The following THSD7A variants were observed in gnomAD, a reference collection of about 807,000 sequenced individuals.
THSD7A encodes the protein thrombospondin type-1 domain-containing protein 7A.
Under a neutral mutation model 231.3 loss-of-function variants are expected in THSD7A, and 96 were observed. The observed-to-expected ratio is 0.41, with a 90% CI of 0.35 to 0.49. The LOEUF is 0.49. THSD7A is among the 20% of genes least tolerant of loss of function. The probability of loss-of-function intolerance (pLI) is 0.05; values close to 1 mark genes in which losing one functional copy is unlikely to be tolerated. For synonymous variants in THSD7A, 940 were observed against 743.3 expected, an observed-to-expected ratio of 1.26 and a Z score of -4.30; for missense variants, 2,290 against 2,070.2, an observed-to-expected ratio of 1.11 and a Z score of -2.06.
chr7:11,383,116 C>G (rs1021538167), intron 23 of THSD7A, among the ~76,000 whole-genome samples: 1 of 151,764 alleles, frequency 6.6e-6, no homozygotes, highest in African/African-American at 2.4e-5. Context: ...CTTTGCCATG[C>G]TTTTAATTTT....
chr7:11,519,403 C>T (rs1368698048), intron 6 of THSD7A, among the ~76,000 whole-genome samples: 1 of 148,340 alleles, frequency 6.7e-6, no homozygotes, highest in Non-Finnish European at 1.5e-5. Context: ...ATTTAATGCA[C>T]TTACACACAC....
At chr7:11,778,780 G>C (rs1344114006) in intron 1 of THSD7A, among the ~76,000 whole-genome samples, 1 of 152,132 alleles carries the variant, frequency 6.6e-6, no homozygotes, top group East Asian at 1.9e-4. Context: ...CATGTGAATA[G>C]AAATTGTCAC....
intron 1 of THSD7A, among the ~76,000 whole-genome samples, chr7:11,666,453 G>GATTATGGAGC (rs1783135696): frequency 6.6e-6 from 1 of 151,824 alleles, no homozygotes; most frequent in Non-Finnish European, 1.5e-5. Flanking sequence ...AAATGTTTTG[G>GATTATGGAGC]ATTTTGGAGC....
intron 23 of THSD7A, among the ~76,000 whole-genome samples, chr7:11,391,801 C>A (rs1038951113): frequency 1.3e-5 from 2 of 152,098 alleles, no homozygotes; most frequent in Admixed American, 1.3e-4. Flanking sequence ...TGTATCTGGG[C>A]TGGAGTACAC....
rs538850058 is a variant in THSD7A at position 11,446,758 on chromosome 7, G to A, written c.2801-434C>T. Among the ~76,000 whole-genome samples, 7 of 152,216 alleles carry A rather than the reference G, an allele frequency of 4.6e-5. No individual in the cohort carries two copies. The East Asian group carries it at 1.4e-3, about 29-fold the overall frequency. ...AATGCACCAAGCTTTAGTTCAGAGT[G>A]ATGGATCCTAATCCTGCTCATTATA... is the stretch of plus-strand genomic sequence containing the variant. On this transcript the variant is annotated intron_variant, in intron 12 of 27. Coordinates refer to ENST00000423059, the MANE Select transcript of THSD7A (RefSeq NM_015204.3). The surrounding 1 kb of genome is among the most constrained non-coding windows in gnomAD (Gnocchi z 4.0).
At chr7:11,509,065 G>C (rs1189506501) in intron 6 of THSD7A, among the ~76,000 whole-genome samples, 1 of 151,066 alleles carries the variant, frequency 6.6e-6, no homozygotes, top group African/African-American at 2.4e-5. Flanking sequence ...AAATATGAGG[G>C]TATATCTCAT....
intron 2 of THSD7A, among the ~76,000 whole-genome samples, 159 bp downstream of exon 2, chr7:11,635,971 G>A (rs1781825230): frequency 6.6e-6 from 1 of 151,836 alleles, no homozygotes; most frequent in Admixed American, 6.6e-5. Flanking sequence ...AAACAACACC[G>A]AGAAACTCAC....
Position 11,423,370 on chromosome 7 carries a change from A to ATT in THSD7A, c.3383+1324_3383+1325dup, listed in dbSNP as rs757122867. Among the ~76,000 whole-genome samples the ATT allele has an allele frequency of 2.1e-3, 281 of 136,196 alleles. 6 individuals carry two copies. Among genetic ancestry groups the ATT allele is most frequent in the African/African-American group, 5.3e-3 (193 of 36,432 alleles). The allele number at this position is 136,196 out of a possible 152,430, so 89.3% of individuals were successfully genotyped here. A position where few individuals can be genotyped will look rare whatever the true frequency, so the allele number is the denominator to read the frequency against. ...CATAACATGGGTTGCCGAGTGCTGG[A>ATT]TTTTTTTTTTTTTTTTGAGATGGAG... On this transcript the variant is annotated intron_variant, in intron 16 of 27. Coordinates refer to ENST00000423059, the MANE Select transcript of THSD7A (RefSeq NM_015204.3).
intron 6 of THSD7A, among the ~76,000 whole-genome samples, chr7:11,510,755 G>A (rs1409790662): frequency 3.9e-5 from 6 of 152,178 alleles, no homozygotes; most frequent in African/African-American, 1.4e-4. Context: ...CAACAAACTA[G>A]GTATTGATGG....
chr7:11,573,603 G>A (rs1790747247), intron 4 of THSD7A, among the ~76,000 whole-genome samples: 1 of 152,138 alleles, frequency 6.6e-6, no homozygotes, highest in Admixed American at 6.5e-5. Flanking sequence ...TTGTTCTTAT[G>A]GCAGGGTTCC....
chr7:11,744,133 G>A (rs951995157), intron 1 of THSD7A, among the ~76,000 whole-genome samples: 7 of 151,808 alleles, frequency 4.6e-5, no homozygotes, highest in Non-Finnish European at 8.8e-5. Flanking sequence ...TTCATACCAT[G>A]TTGGATACCT....
rs1780094954 is a variant in THSD7A at position 11,590,155 on chromosome 7, A to T, written c.1453+305T>A. On this transcript the variant is annotated intron_variant, in intron 4 of 27. Transcript: ENST00000423059. This position sits in a 1 kb window ranked among gnomAD's most constrained non-coding sequence, Gnocchi z 4.4. ...TTGCATGATATGTGTATATTTACAG[A>T]TAAATTTTCGTCTAGTTTTTACATT... Among the ~76,000 whole-genome samples, 1 of 152,216 alleles carries T rather than the reference A, an allele frequency of 6.6e-6. No homozygotes were observed. Among genetic ancestry groups the T allele is most frequent in the African/African-American group, 2.4e-5 (1 of 41,462 alleles).
intron 4 of THSD7A, among the ~76,000 whole-genome samples, chr7:11,565,302 A>C (rs113846840): frequency 6.6e-5 from 10 of 152,338 alleles, no homozygotes; most frequent in East Asian, 5.8e-4. Context: ...TTGAGTATCT[A>C]ATCAAAAAAG....
chr7:11,694,425 T>C (rs1780326916), intron 1 of THSD7A, among the ~76,000 whole-genome samples: 1 of 151,512 alleles, frequency 6.6e-6, no homozygotes, highest in Non-Finnish European at 1.5e-5. Context: ...GCCACTAAAA[T>C]CCAAGTGCTA....
intron 4 of THSD7A, among the ~76,000 whole-genome samples, chr7:11,563,851 T>A (rs952199482): frequency 6.6e-6 from 1 of 152,212 alleles, no homozygotes; most frequent in African/African-American, 2.4e-5. Flanking sequence ...TCCTGCTTGA[T>A]CATAGATCGC....
chr7:11,539,117 C>A (rs1449852992), intron 6 of THSD7A, among the ~76,000 whole-genome samples: 1 of 152,122 alleles, frequency 6.6e-6, no homozygotes, highest in Non-Finnish European at 1.5e-5. Context: ...AACTTTAATT[C>A]CCTGGGCCCA....
rs78965262 is a variant in THSD7A at position 11,764,797 on chromosome 7, C to T, written c.190+66960G>A. The stretch of plus-strand genomic sequence containing the variant: ...TAAGTCAATTTATTCAATTTCAGCC[C>T]TTGGAAAATACAGTAATTTGAATAA... On this transcript the variant is annotated intron_variant, in intron 1 of 27. Transcript: ENST00000423059. Among the ~76,000 whole-genome samples, 836 of 151,856 alleles carry T rather than the reference C, an allele frequency of 5.5e-3. 7 individuals are homozygous for T. The highest frequency in any genetic ancestry group is 0.019 in the African/African-American group (799 of 41,396).
At chr7:11,686,257 T>A (rs1584211042) in intron 1 of THSD7A, among the ~76,000 whole-genome samples, 2 of 151,888 alleles carry the variant, frequency 1.3e-5, no homozygotes, top group Admixed American at 6.6e-5. Flanking sequence ...ATTTGGGTGA[T>A]AAGATCAATA....
rs1351841839 is a variant in THSD7A, at chr7:11,379,220, C to G, written c.4651G>C (p.Glu1551Gln). Residue 1551 changes from glutamate (E) to glutamine (Q), a missense_variant, in exon 26 of 28, where the codon GAG becomes CAG. By Grantham distance (29) the Glu-to-Gln change is conservative. Transcript: ENST00000423059. ...TEVMSSNSTL[E>Q]QCTLIPVVVL... Reference sequence around the variant, plus strand: ...ACCACGGGGATAAGTGTGCATTGCTCAAGGGTGCTGTTAGAAGACATGACT... The same window carrying G: ...ACCACGGGGATAAGTGTGCATTGCTGAAGGGTGCTGTTAGAAGACATGACT... The G allele has an allele frequency of 6.2e-7, 1 of 1,613,520 alleles. No homozygotes were observed. The highest frequency in any genetic ancestry group is 1.3e-5 in the African/African-American group (1 of 74,900).
Sources: allele counts gnomAD v4.1 joint callset (sites outside exome capture counted in the v4.1 genomes callset), GRCh38; gene constraint gnomAD v4.1.1; non-coding constraint Gnocchi (gnomAD v3.1); transcripts MANE v1.5; gene names NCBI Gene and HGNC (gene_info 2026-07-23, HGNC 2026-07-21).